The following FRMPD4 variants were observed in gnomAD, a reference collection of about 807,000 sequenced individuals.
The protein encoded by FRMPD4 is FERM and PDZ domain containing 4.
Under a neutral mutation model 94.1 loss-of-function variants are expected in FRMPD4, and 22 were observed. The observed-to-expected ratio is 0.23, with a 90% CI of 0.17 to 0.33. FRMPD4 has a LOEUF of 0.33. Among genes scored for constraint, FRMPD4 ranks in the 10% least tolerant of loss-of-function variants. The probability of loss-of-function intolerance (pLI) is 1.00; values close to 1 mark genes in which losing one functional copy is unlikely to be tolerated. For missense variants in FRMPD4, 1,111 were observed against 1,339.9 expected (o/e 0.83, Z 2.67); for synonymous variants, 631 against 548.6 (o/e 1.15, Z -2.10).
At chrX:11,994,452 C>A (rs1189600427) in intron 3 of FRMPD4, among the ~76,000 whole-genome samples, 1 of 111,316 alleles carries the variant, frequency 9.0e-6, no homozygotes, top group Non-Finnish European at 1.9e-5. Flanking sequence ...TACTGAGTTA[C>A]TACAATATAG....
intron 16 of FRMPD4, among the ~76,000 whole-genome samples, 200 bp downstream of exon 16, chrX:12,718,990 C>G (rs2042166299): frequency 8.9e-6 from 1 of 112,493 alleles, no homozygotes; most frequent in South Asian, 3.7e-4. Context: ...ATGGCATTTG[C>G]TCTTTATAAT....
At chrX:12,161,120 A>G (rs1323682610) in intron 1 of FRMPD4, among the ~76,000 whole-genome samples, 1 of 109,509 alleles carries the variant, frequency 9.1e-6, no homozygotes, top group African/African-American at 3.3e-5. Context: ...TTCCACTACC[A>G]TGAGTACCTC....
chrX:12,093,371 T>C (rs1441781139), intron 3 of FRMPD4, among the ~76,000 whole-genome samples: 1 of 110,841 alleles, frequency 9.0e-6, no homozygotes, highest in East Asian at 2.8e-4. Flanking sequence ...TCCCTCCTTT[T>C]CCCCCAAGCC....
chrX:12,155,996 A>G (rs1361137235), intron 1 of FRMPD4, among the ~76,000 whole-genome samples: 1 of 112,279 alleles, frequency 8.9e-6, no homozygotes, highest in Non-Finnish European at 1.9e-5. Flanking sequence ...ACTATTTACT[A>G]TCTGGCCCTT....
intron 3 of FRMPD4, among the ~76,000 whole-genome samples, chrX:11,918,664 G>A (rs2054038761): frequency 1.8e-5 from 2 of 112,590 alleles, no homozygotes; most frequent in African/African-American, 6.5e-5. Context: ...GGTCTCATGG[G>A]AGAGAAAGTG....
At chrX:11,967,411 C>T (rs752127872) in intron 3 of FRMPD4, among the ~76,000 whole-genome samples, 2 of 112,549 alleles carry the variant, frequency 1.8e-5, no homozygotes, top group South Asian at 7.3e-4. Context: ...GATGGATGCT[C>T]TTTTTTGTGT....
intron 3 of FRMPD4, among the ~76,000 whole-genome samples, chrX:11,890,439 A>G (rs2053868058): frequency 8.9e-6 from 1 of 112,048 alleles, no homozygotes; most frequent in African/African-American, 3.2e-5. Flanking sequence ...TGCAACTGAG[A>G]CAGAAGACCT....
At chrX:12,509,896 G>A (rs1037810064) in intron 2 of FRMPD4, among the ~76,000 whole-genome samples, 10 of 111,934 alleles carry the variant, frequency 8.9e-5, no homozygotes, top group African/African-American at 1.6e-4. Flanking sequence ...AAATAGTGTC[G>A]TTGCAGTGTA....
chrX:12,339,587 A>G (rs978704735), intron 1 of FRMPD4, among the ~76,000 whole-genome samples: 1 of 110,973 alleles, frequency 9.0e-6, no homozygotes, highest in African/African-American at 3.3e-5. Context: ...TCTTGCTTAT[A>G]TACCACAGCA....
At chrX:12,693,423 G>A (rs766044258) in intron 8 of FRMPD4, among the ~76,000 whole-genome samples, 1 of 112,268 alleles carries the variant, frequency 8.9e-6, no homozygotes, top group East Asian at 2.8e-4. Flanking sequence ...CTTCTAGTAT[G>A]TGACACATAT....
intron 3 of FRMPD4, among the ~76,000 whole-genome samples, chrX:12,072,931 GTA>G (rs200918199): frequency 9.2e-6 from 1 of 108,870 alleles, no homozygotes. Flanking sequence ...ATATATATAT[GTA>G]TATATATATT....
intron 2 of FRMPD4, among the ~76,000 whole-genome samples, chrX:12,574,788 C>T (rs1388444510): frequency 3.6e-5 from 4 of 112,201 alleles, no homozygotes; most frequent in Non-Finnish European, 7.5e-5. Flanking sequence ...GGATCATAGG[C>T]ATAAGCACTG....
At chrX:12,479,385 T>TATATATATCCATATATACAC (rs2057645609) in intron 1 of FRMPD4, among the ~76,000 whole-genome samples, 1 of 84,576 alleles carries the variant, frequency 1.2e-5, no homozygotes, top group Non-Finnish European at 2.2e-5. Context: ...TATATACACA[T>TATATATATCCATATATACAC]ATATATATAC....
chrX:12,614,999 AACACAT>A (rs1300122048), intron 4 of FRMPD4, 118 bp downstream of exon 4: 1 of 377,227 alleles, frequency 2.7e-6, no homozygotes, highest in African/African-American at 2.6e-5. Flanking sequence ...AATGCAAGCC[AACACAT>A]ACACATGGTT....
intron 3 of FRMPD4, among the ~76,000 whole-genome samples, chrX:12,024,227 A>G (rs904591665): frequency 8.9e-6 from 1 of 112,000 alleles, no homozygotes; most frequent in Non-Finnish European, 1.9e-5. Flanking sequence ...CAATACATTT[A>G]TGATACGTGC....
At chrX:12,684,606 T>C (rs900248067) in intron 6 of FRMPD4, among the ~76,000 whole-genome samples, 2 of 111,747 alleles carry the variant, frequency 1.8e-5, no homozygotes, top group Non-Finnish European at 3.8e-5. Context: ...ATGTGTCCCA[T>C]CACTCTGGAT....
chrX:12,337,799 ATAT>A (rs1412983424), intron 1 of FRMPD4, among the ~76,000 whole-genome samples: 2 of 112,657 alleles, frequency 1.8e-5, no homozygotes, highest in African/African-American at 3.2e-5. Context: ...TCATAAAATA[ATAT>A]TATTTCATTC....
At chrX:12,274,982 C>A (rs892471195) in intron 1 of FRMPD4, among the ~76,000 whole-genome samples, 3 of 112,013 alleles carry the variant, frequency 2.7e-5, no homozygotes, top group African/African-American at 9.7e-5. Flanking sequence ...GCACTCCAGC[C>A]CGGGCAACAG....
intron 1 of FRMPD4, among the ~76,000 whole-genome samples, chrX:12,236,860 A>T (rs2057076464): frequency 8.9e-6 from 1 of 112,009 alleles, no homozygotes; most frequent in Admixed American, 9.5e-5. Context: ...ATTTAATCAG[A>T]GGTGATTTTG....
Sources: allele counts gnomAD v4.1 joint callset (sites outside exome capture counted in the v4.1 genomes callset), GRCh38; gene constraint gnomAD v4.1.1; transcripts MANE v1.5; gene names NCBI Gene and HGNC (gene_info 2026-07-23, HGNC 2026-07-21).